Variants in EGF observed in about 807,000 individuals in gnomAD.
EGF encodes pro-epidermal growth factor.
Under a neutral mutation model 143.8 loss-of-function variants are expected in EGF, and 95 were observed. That is an observed-to-expected ratio of 0.66 (90% CI 0.56 to 0.78). The LOEUF (loss-of-function observed/expected upper bound fraction) is 0.78, where lower values mean the gene tolerates loss of function less well. Ranked by LOEUF, EGF falls within the 30% of genes least tolerant of loss-of-function variation. EGF has a pLI of 0.00. For missense variants in EGF, 1,320 were observed against 1,470.9 expected (o/e 0.90, Z 1.68); for synonymous variants, 510 against 510.5 (o/e 1.00, Z 0.01).
At chr4:109,959,544 T>C in intron 6 of EGF, 107 bp downstream of exon 6, 1 of 1,576,492 alleles carries the variant, frequency 6.3e-7, no homozygotes, top group South Asian at 1.1e-5. Flanking sequence ...AGAGACTCAG[T>C]GGAAAACCAA....
In EGF at chr4:109,945,216, A is replaced by G. The variant is rs774883058; in HGVS notation, c.881A>G (p.Glu294Gly). Reference sequence around the variant, plus strand: ...CATTCATCATTTGTACCACTTGGTGAACTGAAAGTAGTGCATCCACTTGCA... The same window carrying G: ...CATTCATCATTTGTACCACTTGGTGGACTGAAAGTAGTGCATCCACTTGCA... The part of the protein sequence containing the change: ...NLHSSFVPLG[E>G]LKVVHPLAQP... Residue 294 changes from glutamate to glycine, a missense_variant, in exon 5 of 24, where the codon GAA (glutamate) becomes GGA (glycine). Around this residue, in one of 5 missense-constraint regions of EGF, gnomAD observed 1,186 missense variants for 1,313.7 expected, o/e 0.90. Coordinates refer to ENST00000265171, the MANE Select transcript of EGF (RefSeq NM_001963.6). The G allele has an allele frequency of 6.2e-7, 1 of 1,614,180 alleles. No homozygotes were observed. The highest frequency in any genetic ancestry group is 8.5e-7 in the Non-Finnish European group (1 of 1,180,024).
intron 10 of EGF, among the ~76,000 whole-genome samples, chr4:109,967,644 T>G (rs969260708): frequency 1.3e-5 from 2 of 152,128 alleles, no homozygotes; most frequent in Non-Finnish European, 2.9e-5. Context: ...TAAACAGTCT[T>G]ATGGAAATTC....
intron 1 of EGF, among the ~76,000 whole-genome samples, chr4:109,928,524 G>C (rs1477486864): frequency 6.6e-6 from 1 of 152,104 alleles, no homozygotes; most frequent in Admixed American, 6.5e-5. Flanking sequence ...GATCTAAAAA[G>C]GTGCCAGACT....
chr4:109,970,788 G>T (rs1045976604), intron 11 of EGF, among the ~76,000 whole-genome samples: 1 of 136,170 alleles, frequency 7.3e-6, no homozygotes, highest in Non-Finnish European at 1.5e-5. Flanking sequence ...TCGCACCACT[G>T]CACTCCAGCC....
intron 13 of EGF, among the ~76,000 whole-genome samples, chr4:109,977,794 T>A (rs1748728463): frequency 6.6e-6 from 1 of 152,180 alleles, no homozygotes; most frequent in Non-Finnish European, 1.5e-5. Context: ...GAGCCGTGAT[T>A]GTGCAACTGT....
chr4:109,913,184 G>T lies in EGF; in HGVS notation c.-152G>T. ...CTCTCAGTTGAAGAAAGAGCTTGGA[G>T]GACAACAGCACAACAGGAGAGTAAA... On this transcript the variant is annotated 5_prime_UTR_variant, in exon 1 of 24. The change creates a new upstream start codon in the 5' untranslated region. Coordinates refer to ENST00000265171, the MANE Select transcript of EGF (RefSeq NM_001963.6). 1 of 869,650 alleles carries T rather than the reference G, an allele frequency of 1.1e-6. No homozygotes were observed. The highest frequency in any genetic ancestry group is 1.8e-6 in the Non-Finnish European group (1 of 545,102). 53.9% of individuals were successfully genotyped at this position (869,650 alleles called of 1,614,324 possible).
At chr4:109,919,327 CT>C (rs1737338789) in intron 1 of EGF, among the ~76,000 whole-genome samples, 27 of 143,968 alleles carry the variant, frequency 1.9e-4, no homozygotes, top group Admixed American at 1.5e-3. Context: ...CTCTCTCTCT[CT>C]CTCTCTCTCT....
Position 109,982,691 on chromosome 4 carries a change from G to A in EGF, c.2372-731G>A, listed in dbSNP as rs1749564762. 2.0e-5 allele frequency among the ~76,000 whole-genome samples: 3 copies of A among 151,978 alleles called. 1 individual carries two copies. In the South Asian group the frequency reaches 6.2e-4, roughly 32 times the overall value. On this transcript the variant is annotated intron_variant, in intron 15 of 23. Transcript: ENST00000265171. ...TGTGGCAGTGAAGAGCTCAGCTACT[G>A]GTAGAGTTTGCTGTCATTTCCTTTT...
At chr4:109,934,914 G>C (rs762725543) in intron 1 of EGF, among the ~76,000 whole-genome samples, 4 of 151,934 alleles carry the variant, frequency 2.6e-5, no homozygotes, top group Non-Finnish European at 5.9e-5. Flanking sequence ...CTGTTCCATG[G>C]GTCTATATAT....
intron 1 of EGF, among the ~76,000 whole-genome samples, chr4:109,918,781 A>G (rs1428615330): frequency 6.6e-6 from 1 of 152,202 alleles, no homozygotes; most frequent in Non-Finnish European, 1.5e-5. Flanking sequence ...GGGCAAGGGC[A>G]GGGGCTGCTT....
intron 1 of EGF, among the ~76,000 whole-genome samples, chr4:109,920,116 A>G (rs1001230985): frequency 1.3e-5 from 2 of 151,842 alleles, no homozygotes; most frequent in East Asian, 3.9e-4. Context: ...AAAGTCAAAC[A>G]TTGAACCTCA....
rs1035755250 is a variant in EGF, at chr4:109,913,265, C to G, written c.-71C>G. The G allele has an allele frequency of 6.2e-7, 1 of 1,601,582 alleles. No homozygotes were observed. The highest frequency in any genetic ancestry group is 8.5e-7 in the Non-Finnish European group (1 of 1,172,040). ...GCAGCCGCATCTGGGGTCAATCATACTCACCTTGCCCGGGCCATGCTCCAG... is the reference window on the plus strand; with the variant it reads ...GCAGCCGCATCTGGGGTCAATCATAGTCACCTTGCCCGGGCCATGCTCCAG... On this transcript the variant is annotated 5_prime_UTR_variant, in exon 1 of 24. Coordinates refer to ENST00000265171, the MANE Select transcript of EGF (RefSeq NM_001963.6).
chr4:109,927,587 G>A (rs12374273), intron 1 of EGF, among the ~76,000 whole-genome samples: 19,645 of 151,816 alleles, frequency 0.13, 1,872 homozygotes, highest in African/African-American at 0.26. Context: ...AGTTGGGCGT[G>A]GTGGCGGGCG....
At chr4:109,935,951 GT>G (rs1740706226) in intron 1 of EGF, among the ~76,000 whole-genome samples, 1 of 152,056 alleles carries the variant, frequency 6.6e-6, no homozygotes, top group South Asian at 2.1e-4. Context: ...GTTTGCCAGT[GT>G]TTTATTGAGG....
At chr4:109,943,463 A>G in intron 3 of EGF, 28 bp downstream of exon 3, 2 of 1,599,920 alleles carry the variant, frequency 1.3e-6, no homozygotes, top group Non-Finnish European at 1.7e-6. Flanking sequence ...CAGACATTGA[A>G]ATATATTTAC....
In EGF at chr4:109,943,285, G is replaced by T; in HGVS notation, c.359G>T (p.Gly120Val). Reference sequence around the variant, plus strand: ...TGTAATATAGAGAAAAATGTTTCTGGAATGGCAATAAATTGGATAAATGAA... The same window carrying T: ...TGTAATATAGAGAAAAATGTTTCTGTAATGGCAATAAATTGGATAAATGAA... ...RVCNIEKNVS[G>V]MAINWINEEV... The change falls in exon 3 of 24, where the codon GGA (glycine) becomes GTA (valine). Residue 120 changes from glycine (G) to valine (V), a missense_variant. Coordinates refer to ENST00000265171, the MANE Select transcript of EGF (RefSeq NM_001963.6). The T allele has an allele frequency of 6.2e-7, 1 of 1,607,216 alleles. No individual in the cohort carries two copies. Among genetic ancestry groups the T allele is most frequent in the Non-Finnish European group, 8.5e-7 (1 of 1,176,962 alleles).
chr4:109,926,647 GC>G (rs1476824995), intron 1 of EGF, among the ~76,000 whole-genome samples: 9 of 152,180 alleles, frequency 5.9e-5, no homozygotes, highest in Non-Finnish European at 1.3e-4. Flanking sequence ...GTGAGCCACT[GC>G]ACTCGGCCGT....
intron 1 of EGF, among the ~76,000 whole-genome samples, chr4:109,936,942 T>G (rs533337854): frequency 1.3e-5 from 2 of 152,144 alleles, no homozygotes; most frequent in South Asian, 4.2e-4. Context: ...TGCTGAGGAG[T>G]GTTTTACTTC....
At chr4:109,958,677 C>T (rs1560690189) in intron 5 of EGF, among the ~76,000 whole-genome samples, 1 of 151,746 alleles carries the variant, frequency 6.6e-6, no homozygotes, top group Non-Finnish European at 1.5e-5. Context: ...GCCTATAATC[C>T]CAACACTTTG....
Sources: allele counts gnomAD v4.1 joint callset (sites outside exome capture counted in the v4.1 genomes callset), GRCh38; gene constraint gnomAD v4.1.1; regional missense constraint gnomAD v4.1.1; transcripts MANE v1.5; gene names NCBI Gene and HGNC (gene_info 2026-07-23, HGNC 2026-07-21).